SUPT6H: variants seen among roughly 807,000 people sequenced by gnomAD.
SUPT6H encodes SPT6 homolog, histone chaperone and transcription elongation factor, also known as transcription elongation factor SPT6.
A neutral mutation model predicts 222.3 loss-of-function variants in SUPT6H; 11 were observed. The ratio of observed to expected loss-of-function variants is 0.05; its 90% confidence interval spans 0.03 to 0.08. The LOEUF (loss-of-function observed/expected upper bound fraction) is 0.08, where lower values mean the gene tolerates loss of function less well. Among genes scored for constraint, SUPT6H ranks in the 10% least tolerant of loss-of-function variants. The probability of loss-of-function intolerance (pLI) is 1.00; values close to 1 mark genes in which losing one functional copy is unlikely to be tolerated. For missense variants in SUPT6H, 1,422 were observed against 2,216.0 expected, an observed-to-expected ratio of 0.64 and a Z score of 7.19; for synonymous variants, 762 against 801.2, an observed-to-expected ratio of 0.95 and a Z score of 0.83.
intron 7 of SUPT6H, 123 bp downstream of exon 7, chr17:28,676,553 C>A: frequency 7.0e-7 from 1 of 1,430,752 alleles, no homozygotes; most frequent in Non-Finnish European, 9.4e-7. Context: ...CACCTGGGGC[C>A]TGGGAAATCC....
At chr17:28,696,064 C>T (rs1028628227) in intron 29 of SUPT6H, among the ~76,000 whole-genome samples, 3 of 151,880 alleles carry the variant, frequency 2.0e-5, no homozygotes, top group Admixed American at 6.6e-5. Flanking sequence ...CCCAGCACTT[C>T]GGAGGCTGAG....
At chr17:28,681,088 G>A in intron 11 of SUPT6H, 168 bp from the exon 12 acceptor site, 2 of 696,288 alleles carry the variant, frequency 2.9e-6, no homozygotes, top group Non-Finnish European at 4.6e-6. Flanking sequence ...AACAGAGTGA[G>A]ACCCTGTCTC....
In SUPT6H at chr17:28,684,611, G is replaced by C. The variant is rs749771813; in HGVS notation, c.2255G>C (p.Trp752Ser). 27 of 1,614,124 alleles carry C rather than the reference G, an allele frequency of 1.7e-5. No individual in the cohort carries two copies. The highest frequency in any genetic ancestry group is 2.3e-5 in the Non-Finnish European group (27 of 1,180,034). Residue 752 changes from tryptophan to serine, a missense_variant, in exon 18 of 37, where the codon TGG becomes TCG. Physicochemically the swap from Trp to Ser is radical, Grantham distance 177. Transcript: ENST00000314616. ...IKACSRKLYN[W>S]LRVAPYRPDQ... is the part of the protein sequence containing the mutation. ...GCCTGTAGTCGAAAGCTCTACAATTGGTTGAGAGTGGCACCCTACCGACCA... is the reference window on the plus strand; with the variant it reads ...GCCTGTAGTCGAAAGCTCTACAATTCGTTGAGAGTGGCACCCTACCGACCA...
At chr17:28,684,478 A>G (rs2031282063) in intron 17 of SUPT6H, 108 bp from the exon 18 acceptor site, 2 of 1,374,690 alleles carry the variant, frequency 1.5e-6, no homozygotes, top group African/African-American at 2.9e-5. Flanking sequence ...ACATAAGAGT[A>G]CACACCCTCG....
intron 6 of SUPT6H, 78 bp downstream of exon 6, chr17:28,675,563 G>A (rs1230606813): frequency 9.5e-6 from 14 of 1,472,346 alleles, no homozygotes; most frequent in Non-Finnish European, 1.3e-5. Context: ...AGAGGCCTTT[G>A]CCAAAAATGG....
intron 1 of SUPT6H, among the ~76,000 whole-genome samples, chr17:28,663,488 A>C (rs1004749914): frequency 2.6e-5 from 4 of 152,140 alleles, no homozygotes; most frequent in Admixed American, 2.6e-4. Flanking sequence ...CTGAAAGCCT[A>C]CCTAGTGTGG....
At chr17:28,665,657 G>A (rs201768920) in intron 1 of SUPT6H, among the ~76,000 whole-genome samples, 1 of 152,300 alleles carries the variant, frequency 6.6e-6, no homozygotes, top group South Asian at 2.1e-4. Flanking sequence ...CAGCTACTTG[G>A]GAGGCTGAGG....
chr17:28,677,399 G>T (rs1228493973), intron 7 of SUPT6H, among the ~76,000 whole-genome samples: 1 of 151,176 alleles, frequency 6.6e-6, no homozygotes, highest in African/African-American at 2.4e-5. Flanking sequence ...AAAAAAATCA[G>T]CTGGGCGTGG....
At chr17:28,685,953 C>G (rs1186669435) in intron 19 of SUPT6H, among the ~76,000 whole-genome samples, 1 of 152,240 alleles carries the variant, frequency 6.6e-6, no homozygotes, top group Non-Finnish European at 1.5e-5. Context: ...GGAAATCATA[C>G]TTAACCATGT....
chr17:28,694,849 C>G (rs547218626), intron 28 of SUPT6H, among the ~76,000 whole-genome samples: 49 of 152,162 alleles, frequency 3.2e-4, no homozygotes, highest in South Asian at 6.2e-4. Flanking sequence ...ACAGAAAATA[C>G]AAAAATTAGC....
intron 1 of SUPT6H, among the ~76,000 whole-genome samples, chr17:28,663,491 T>G (rs2072103872): frequency 6.6e-6 from 1 of 152,198 alleles, no homozygotes; most frequent in Non-Finnish European, 1.5e-5. Context: ...AAAGCCTACC[T>G]AGTGTGGTGG....
rs373510455 is a variant in SUPT6H, at chr17:28,682,440, C to T, written c.1598-287C>T. ...AGGATTTGGAGGCCAGCCTGGTCAA[C>T]GTAGCAAAACTACAAAAAATACAGA... On this transcript the variant is annotated intron_variant, in intron 13 of 36. Transcript: ENST00000314616. Among the ~76,000 whole-genome samples the T allele has an allele frequency of 2.6e-5, 4 of 152,014 alleles. No homozygotes were observed. The South Asian group carries it at 6.2e-4, about 24-fold the overall frequency.
In SUPT6H at chr17:28,687,179, G is replaced by A. The variant is rs749076792; in HGVS notation, c.2792G>A (p.Cys931Tyr). ...QDPLIEFAQV[C>Y]SSDEDILCLK... ...CCTCTGATTGAATTTGCCCAGGTGT[G>A]CAGTTCCGATGAAGACATCCTGTGT... The change falls in exon 22 of 37, where the codon TGC becomes TAC. Residue 931 changes from cysteine to tyrosine, a missense_variant. By Grantham distance (194) the Cys-to-Tyr change is radical. Transcript: ENST00000314616. 20 of 1,614,020 alleles carry A rather than the reference G, an allele frequency of 1.2e-5. No homozygotes were observed. Among genetic ancestry groups the A allele is most frequent in the Admixed American group, 1.7e-5 (1 of 59,998 alleles).
Position 28,690,930 on chromosome 17 carries a change from T to C in SUPT6H, c.3500T>C (p.Ile1167Thr). 6.2e-7 allele frequency: 1 copy of C among 1,613,366 alleles called. No individual in the cohort carries two copies. Residue 1167 changes from isoleucine to threonine, a missense_variant, in exon 27 of 37, where the codon ATC becomes ACC. Physicochemically the swap from Ile to Thr is moderately conservative, Grantham distance 89. Transcript: ENST00000314616. ...TPETFYIGKL[I>T]ICNVTGIAHR... Reference sequence around the variant, plus strand: ...CTTTTCCTTCTTGCAGGAAAGCTCATCATCTGCAATGTCACTGGCATTGCC... The same window carrying C: ...CTTTTCCTTCTTGCAGGAAAGCTCACCATCTGCAATGTCACTGGCATTGCC...
At chr17:28,664,379 G>T (rs964228634) in intron 1 of SUPT6H, among the ~76,000 whole-genome samples, 1 of 152,182 alleles carries the variant, frequency 6.6e-6, no homozygotes, top group Non-Finnish European at 1.5e-5. Context: ...GTGGCGACAC[G>T]CCTGTAATCC....
intron 1 of SUPT6H, among the ~76,000 whole-genome samples, chr17:28,663,970 C>G (rs1040236930): frequency 6.6e-6 from 1 of 151,190 alleles, no homozygotes; most frequent in Non-Finnish European, 1.5e-5. Context: ...TCAAGTGCCA[C>G]CACATCTACT....
At position 28,669,091 on chromosome 17, in the gene SUPT6H, T is replaced by G. The variant is rs534736448; in HGVS notation, c.-31-4280T>G. The stretch of plus-strand genomic sequence containing the variant: ...TTTATGTGAGTTATATCCTTTGATA[T>G]TTACCAGATTCGAAATTAAAACTCA... On this transcript the variant is annotated intron_variant, in intron 1 of 36. Transcript: ENST00000314616. Among the ~76,000 whole-genome samples, 4 of 152,372 alleles carry G rather than the reference T, an allele frequency of 2.6e-5. No homozygotes were observed. In the South Asian group the frequency reaches 8.3e-4, roughly 32 times the overall value.
chr17:28,670,937 A>G (rs1597687658), intron 1 of SUPT6H: 1 of 152,390 alleles, frequency 6.6e-6, no homozygotes, highest in East Asian at 1.9e-4. Flanking sequence ...CCCAGCTCTT[A>G]GCAGAGTATA....
chr17:28,666,836 C>A (rs547302056), intron 1 of SUPT6H, among the ~76,000 whole-genome samples: 2 of 152,096 alleles, frequency 1.3e-5, no homozygotes, highest in East Asian at 1.9e-4. Context: ...GCATTATAGG[C>A]GTGAGCCACC....
Sources: gnomAD v4.1 joint callset for allele counts (sites outside exome capture counted in the v4.1 genomes callset) on GRCh38, gnomAD v4.1.1 for gene constraint, MANE v1.5 for transcripts, NCBI Gene and HGNC (gene_info 2026-07-23, HGNC 2026-07-21) for gene names.